SSH2: variants seen among roughly 807,000 people sequenced by gnomAD.
SSH2 encodes the protein slingshot protein phosphatase 2.
SSH2 carries 37 observed loss-of-function variants against 135.2 expected under a neutral mutation model. The observed-to-expected ratio is 0.27, with a 90% CI of 0.21 to 0.36. The LOEUF (loss-of-function observed/expected upper bound fraction) is 0.36. SSH2 is among the 10% of genes least tolerant of loss of function. The pLI is 1.00. For missense variants in SSH2, 1,408 were observed against 1,765.3 expected, an observed-to-expected ratio of 0.80 and a Z score of 3.63; for synonymous variants, 628 against 646.2, an observed-to-expected ratio of 0.97 and a Z score of 0.43.
chr17:29,758,986 G>A (rs2041210482), intron 3 of SSH2, among the ~76,000 whole-genome samples: 1 of 152,028 alleles, frequency 6.6e-6, no homozygotes, highest in African/African-American at 2.4e-5. Flanking sequence ...CTGGCCTCAA[G>A]TGATCCTCCT....
chr17:29,921,293 A>G (rs2066971645), intron 1 of SSH2, among the ~76,000 whole-genome samples: 1 of 152,216 alleles, frequency 6.6e-6, no homozygotes, highest in African/African-American at 2.4e-5. Context: ...GGTACTCAAC[A>G]CAGTGTCTAG....
intron 1 of SSH2, among the ~76,000 whole-genome samples, chr17:29,920,244 G>A (rs1373064886): frequency 6.6e-6 from 1 of 152,178 alleles, no homozygotes; most frequent in African/African-American, 2.4e-5. Context: ...AGGCAGTGCT[G>A]CACAGTGTCT....
At chr17:29,841,776 G>C (rs1273202521) in intron 2 of SSH2, among the ~76,000 whole-genome samples, 1 of 152,090 alleles carries the variant, frequency 6.6e-6, no homozygotes, top group Non-Finnish European at 1.5e-5. Context: ...ACCCAGGCTG[G>C]AGTGCAGTGG....
At chr17:29,761,315 T>G in intron 3 of SSH2, 2 of 1,200,198 alleles carry the variant, frequency 1.7e-6, no homozygotes, top group Non-Finnish European at 2.1e-6. Context: ...CATCCTGGCC[T>G]CTGCTCTGCT....
rs2037984748 is a variant in SSH2, at chr17:29,681,407, G to A, written c.479+3156C>T. Among the ~76,000 whole-genome samples the A allele has an allele frequency of 1.4e-5, 2 of 142,982 alleles. 1 individual carries two copies. The highest frequency in any genetic ancestry group is 3.0e-5 in the Non-Finnish European group (2 of 66,482). The allele number at this position is 142,982 out of a possible 152,430, so 93.8% of individuals were successfully genotyped here. ...GGAAGGAAAGGACTGAATAAGGCAC[G>A]CTTGGTATTTTTATCCAGGTTACCT... is the stretch of plus-strand genomic sequence containing the variant. On this transcript the variant is annotated intron_variant, in intron 6 of 15. Coordinates refer to ENST00000540801, the MANE Select transcript of SSH2 (RefSeq NM_001282129.2).
intron 3 of SSH2, among the ~76,000 whole-genome samples, chr17:29,764,621 C>G (rs1389280239): frequency 1.3e-5 from 2 of 152,158 alleles, no homozygotes; most frequent in Non-Finnish European, 2.9e-5. Context: ...AAAATTGCTG[C>G]CTTTCTTTAC....
At chr17:29,861,683 C>A (rs1024023847) in intron 1 of SSH2, among the ~76,000 whole-genome samples, 3 of 152,066 alleles carry the variant, frequency 2.0e-5, no homozygotes, top group Non-Finnish European at 4.4e-5. Flanking sequence ...CCTGCCTTAG[C>A]CTCCCAAGTA....
At chr17:29,824,664 C>T (rs910310497) in intron 2 of SSH2, among the ~76,000 whole-genome samples, 2 of 152,110 alleles carry the variant, frequency 1.3e-5, no homozygotes, top group Admixed American at 6.5e-5. Flanking sequence ...TGAACAAAAC[C>T]GAGTTTTTAG....
chr17:29,772,074 C>T (rs1052843199), intron 3 of SSH2, among the ~76,000 whole-genome samples: 5 of 150,976 alleles, frequency 3.3e-5, no homozygotes, highest in Non-Finnish European at 7.4e-5. Flanking sequence ...TATCATTCTT[C>T]AGCTAGTACA....
chr17:29,749,157 G>A (rs2040851267), intron 3 of SSH2, among the ~76,000 whole-genome samples: 1 of 152,154 alleles, frequency 6.6e-6, no homozygotes, highest in Non-Finnish European at 1.5e-5. Flanking sequence ...ACACCACACA[G>A]TATACTCATT....
intron 1 of SSH2, among the ~76,000 whole-genome samples, chr17:29,916,845 G>T (rs185873082): frequency 6.6e-6 from 1 of 152,220 alleles, no homozygotes; most frequent in African/African-American, 2.4e-5. Flanking sequence ...ACTTGCCTGA[G>T]ATGTGCTAAA....
intron 3 of SSH2, among the ~76,000 whole-genome samples, chr17:29,728,228 C>T (rs915936501): frequency 2.0e-5 from 3 of 152,080 alleles, no homozygotes; most frequent in Non-Finnish European, 4.4e-5. Context: ...ACATAATCGG[C>T]ATACAAAAAT....
At chr17:29,856,738 C>A (rs921727434) in intron 1 of SSH2, among the ~76,000 whole-genome samples, 1 of 152,164 alleles carries the variant, frequency 6.6e-6, no homozygotes, top group African/African-American at 2.4e-5. Context: ...AATCACTATG[C>A]CAGTTCCCAA....
At position 29,806,730 on chromosome 17, in the gene SSH2, G is replaced by A. The variant is rs116080528; in HGVS notation, c.145-12793C>T. 7.3e-3 allele frequency among the ~76,000 whole-genome samples: 1,105 copies of A among 152,250 alleles called. 19 individuals carry two copies. Among genetic ancestry groups the A allele is most frequent in the African/African-American group, 0.025 (1,051 of 41,532 alleles). On this transcript the variant is annotated intron_variant, in intron 2 of 15. Coordinates refer to ENST00000540801, the MANE Select transcript of SSH2 (RefSeq NM_001282129.2). ...TTGATGGCTATACCATACTAGTTGT[G>A]AAATATTTTGAATATCTCCTCCTCT...
chr17:29,893,587 C>T (rs1049136921), intron 1 of SSH2, among the ~76,000 whole-genome samples: 2 of 152,110 alleles, frequency 1.3e-5, no homozygotes, highest in Admixed American at 6.6e-5. Flanking sequence ...TCTTGGACTT[C>T]CCATCCTCCA....
intron 2 of SSH2, among the ~76,000 whole-genome samples, chr17:29,800,553 G>A (rs986061452): frequency 1.3e-5 from 2 of 152,140 alleles, no homozygotes; most frequent in Non-Finnish European, 2.9e-5. Context: ...CAGGAGAAAA[G>A]TGTAGAGACA....
chr17:29,746,332 G>A (rs1046614791), intron 3 of SSH2, among the ~76,000 whole-genome samples: 4 of 151,840 alleles, frequency 2.6e-5, no homozygotes, highest in African/African-American at 9.7e-5. Context: ...GATCACCTGA[G>A]GTCAGGAGTT....
At chr17:29,909,118 A>G (rs1315489950) in intron 1 of SSH2, among the ~76,000 whole-genome samples, 6 of 152,136 alleles carry the variant, frequency 3.9e-5, no homozygotes, top group East Asian at 1.9e-4. Context: ...GCTTTAAAGG[A>G]TTTATTATTA....
At chr17:29,685,633 A>T (rs1427309620) in intron 5 of SSH2, among the ~76,000 whole-genome samples, 2 of 151,624 alleles carry the variant, frequency 1.3e-5, no homozygotes, top group African/African-American at 4.8e-5. Flanking sequence ...CAAAAATACA[A>T]AAAAAATTAG....
Sources: gnomAD v4.1 joint callset for allele counts (sites outside exome capture counted in the v4.1 genomes callset) on GRCh38, gnomAD v4.1.1 for gene constraint, MANE v1.5 for transcripts, NCBI Gene and HGNC (gene_info 2026-07-23, HGNC 2026-07-21) for gene names.